Variants in DISC1 observed in about 807,000 individuals in gnomAD.
DISC1 encodes the protein DISC1 scaffold protein.
In DISC1, 57 loss-of-function variants were observed where a neutral mutation model predicts 84.5. The ratio of observed to expected loss-of-function variants is 0.67; its 90% CI spans 0.55 to 0.84. The LOEUF is 0.84. DISC1 is among the 40% of genes least tolerant of loss of function. The pLI is 0.00. For missense variants in DISC1, 1,000 were observed against 1,057.8 expected, an observed-to-expected ratio of 0.95 and a Z score of 0.76; for synonymous variants, 411 against 415.2, an observed-to-expected ratio of 0.99 and a Z score of 0.12.
rs1459466454 is a variant in DISC1 at position 231,626,947 on chromosome 1, CCA to C, written c.67+16_67+17del. The C allele has an allele frequency of 1.7e-5, 26 of 1,501,656 alleles. No homozygotes were observed. Among genetic ancestry groups the C allele is most frequent in the Non-Finnish European group, 2.3e-5 (26 of 1,131,890 alleles). The allele number at this position is 1,501,656 out of a possible 1,614,324, so 93.0% of individuals were successfully genotyped here. ...AGCCACCGCGCAGGTAGGGGAGCTGCCACAGAGTCCTAGCACGTCCTGGGGGG... is the reference window on the plus strand; with the variant it reads ...AGCCACCGCGCAGGTAGGGGAGCTGCCAGAGTCCTAGCACGTCCTGGGGGG... On this transcript the variant is annotated intron_variant, in intron 1 of 12. Coordinates refer to ENST00000439617, the MANE Select transcript of DISC1 (RefSeq NM_018662.3).
At chr1:231,680,207 G>A (rs2125542983) in intron 1 of DISC1, among the ~76,000 whole-genome samples, 1 of 152,270 alleles carries the variant, frequency 6.6e-6, no homozygotes, top group East Asian at 1.9e-4. Flanking sequence ...CAGCCTGGGT[G>A]ACAGAGTGAG....
chr1:231,639,418 T>A (rs1046058207), intron 1 of DISC1, among the ~76,000 whole-genome samples: 2 of 152,210 alleles, frequency 1.3e-5, no homozygotes, highest in Admixed American at 1.3e-4. Flanking sequence ...CCTCCTGCGT[T>A]CATCATTTAT....
intron 12 of DISC1, among the ~76,000 whole-genome samples, chr1:232,028,268 G>A (rs111871740): frequency 6.6e-5 from 10 of 152,226 alleles, no homozygotes; most frequent in East Asian, 1.9e-4. Flanking sequence ...AGGGGTTCCC[G>A]TTCCCCAGCT....
chr1:231,808,309 C>T (rs1333065432), intron 8 of DISC1, among the ~76,000 whole-genome samples: 1 of 152,212 alleles, frequency 6.6e-6, no homozygotes, highest in South Asian at 2.1e-4. Context: ...TCACTGCTGG[C>T]AGATGGACTC....
At chr1:231,835,288 A>G (rs1434063579) in intron 9 of DISC1, among the ~76,000 whole-genome samples, 7 of 152,228 alleles carry the variant, frequency 4.6e-5, no homozygotes, top group African/African-American at 7.2e-5. Flanking sequence ...GTGAGCAACA[A>G]GGCTGTTTAT....
chr1:231,923,637 A>G (rs79706486), intron 9 of DISC1, among the ~76,000 whole-genome samples: 58 of 152,274 alleles, frequency 3.8e-4, no homozygotes, highest in African/African-American at 1.4e-3. Flanking sequence ...TTTCAGACTC[A>G]CCCTGCACAA....
intron 9 of DISC1, among the ~76,000 whole-genome samples, chr1:231,834,531 C>T (rs11589087): frequency 0.29 from 44,483 of 151,930 alleles, 6,908 homozygotes; most frequent in Admixed American, 0.36. Flanking sequence ...TTGAACGTGC[C>T]GTTTTCTGGC....
chr1:231,928,719 C>G (rs954621336), intron 9 of DISC1, among the ~76,000 whole-genome samples: 3 of 152,218 alleles, frequency 2.0e-5, no homozygotes, highest in Non-Finnish European at 2.9e-5. Flanking sequence ...CTTCTAAACA[C>G]TGCTTCAGCT....
At chr1:231,770,741 A>G (rs2076496191) in intron 5 of DISC1, 94 bp from the exon 6 acceptor site, 2 of 1,550,188 alleles carry the variant, frequency 1.3e-6, no homozygotes, top group Admixed American at 2.0e-5. Flanking sequence ...TCTGGTGCAT[A>G]TGGCCAATTC....
chr1:231,825,333 CT>C (rs760347974), intron 9 of DISC1, among the ~76,000 whole-genome samples: 20 of 152,188 alleles, frequency 1.3e-4, no homozygotes, highest in Non-Finnish European at 2.6e-4. Context: ...AGAAACTTGA[CT>C]CTATGTAATA....
intron 1 of DISC1, among the ~76,000 whole-genome samples, chr1:231,676,314 A>T (rs2063150199): frequency 6.6e-6 from 1 of 152,188 alleles, no homozygotes; most frequent in African/African-American, 2.4e-5. Flanking sequence ...GCCCTGTGGG[A>T]CCTTCCCTGT....
intron 10 of DISC1, among the ~76,000 whole-genome samples, chr1:232,005,065 T>G (rs1415978098): frequency 2.3e-5 from 2 of 88,142 alleles, no homozygotes; most frequent in African/African-American, 9.0e-5. Flanking sequence ...TCCTTCCCTC[T>G]CTCCCTCCCT....
At chr1:232,026,597 T>C (rs1456706591) in intron 12 of DISC1, 45 bp downstream of exon 12, 1 of 1,437,164 alleles carries the variant, frequency 7.0e-7, no homozygotes, top group Non-Finnish European at 9.6e-7. Context: ...AGTTATTTTA[T>C]AAAAGAGAGT....
intron 1 of DISC1, among the ~76,000 whole-genome samples, chr1:231,684,035 G>A (rs1256292602): frequency 6.6e-6 from 1 of 152,090 alleles, no homozygotes; most frequent in East Asian, 1.9e-4. Context: ...CTGCAGTGGA[G>A]TTGCTCACAG....
intron 1 of DISC1, among the ~76,000 whole-genome samples, chr1:231,641,365 T>C (rs550439145): frequency 1.3e-3 from 203 of 152,124 alleles, no homozygotes; most frequent in African/African-American, 4.6e-3. Flanking sequence ...GCTGCGGACC[T>C]TCGCGGTGAG....
Position 232,037,063 on chromosome 1 carries a change from T to A in DISC1, c.*232T>A. 2.8e-6 allele frequency: 1 copy of A among 361,874 alleles called. No individual in the cohort carries two copies. Among genetic ancestry groups the A allele is most frequent in the South Asian group, 1.4e-4 (1 of 7,080 alleles). 22.4% of individuals were successfully genotyped at this position (361,874 alleles called of 1,614,324 possible). A position where few individuals can be genotyped will look rare whatever the true frequency, so the allele number is the denominator to read the frequency against. On this transcript the variant is annotated 3_prime_UTR_variant, in exon 13 of 13. Coordinates refer to ENST00000439617, the MANE Select transcript of DISC1 (RefSeq NM_018662.3). ...TGCTGAATTTCCTTCTAAATGTCACTCAAAAATTTCTTTTCCATGTCATTC... is the reference window on the plus strand; with the variant it reads ...TGCTGAATTTCCTTCTAAATGTCACACAAAAATTTCTTTTCCATGTCATTC...
chr1:231,931,822 A>AC lies in DISC1; in HGVS notation c.1982-27006_1982-27005insC, dbSNP rs2090678930. On this transcript the variant is annotated intron_variant, in intron 9 of 12. Transcript: ENST00000439617. ...TGCTACCATGCCAGATAATTAAAAA[A>AC]AATTTTTTTTTTATAGACAAGGTCT... Among the ~76,000 whole-genome samples, 3 of 151,978 alleles carry AC rather than the reference A, an allele frequency of 2.0e-5. 1 individual carries two copies. The highest frequency in any genetic ancestry group is 7.2e-5 in the African/African-American group (3 of 41,436).
intron 1 of DISC1, among the ~76,000 whole-genome samples, chr1:231,684,105 G>A (rs549240123): frequency 1.3e-5 from 2 of 152,084 alleles, no homozygotes; most frequent in East Asian, 3.9e-4. Flanking sequence ...GAGCTCCATT[G>A]AGGACAGGGA....
chr1:231,862,081 A>G (rs1273105002), intron 9 of DISC1, among the ~76,000 whole-genome samples: 1 of 152,242 alleles, frequency 6.6e-6, no homozygotes, highest in Non-Finnish European at 1.5e-5. Flanking sequence ...TTTCACCAGG[A>G]GGATGGCTCC....
Sources: allele counts gnomAD v4.1 joint callset (sites outside exome capture counted in the v4.1 genomes callset), GRCh38; gene constraint gnomAD v4.1.1; transcripts MANE v1.5; gene names NCBI Gene and HGNC (gene_info 2026-07-23, HGNC 2026-07-21).